EXOC2: variants seen among roughly 807,000 people sequenced by gnomAD.
EXOC2 encodes the protein SEC5-like 1.
In EXOC2, 70 loss-of-function variants were observed where a neutral mutation model predicts 131.8. The ratio of observed to expected loss-of-function variants is 0.53; its 90% CI spans 0.44 to 0.65. The LOEUF (loss-of-function observed/expected upper bound fraction) is 0.65, where lower values mean the gene tolerates loss of function less well. Ranked by LOEUF, EXOC2 falls within the 30% of genes least tolerant of loss-of-function variation. EXOC2 has a pLI of 0.00. For synonymous variants in EXOC2, 411 were observed against 398.4 expected (o/e 1.03, Z -0.38); for missense variants, 923 against 1,108.6 (o/e 0.83, Z 2.38).
intron 11 of EXOC2, among the ~76,000 whole-genome samples, chr6:583,542 G>A (rs1418645903): frequency 2.0e-5 from 3 of 152,158 alleles, no homozygotes; most frequent in Non-Finnish European, 4.4e-5. Context: ...TTCAACAGCT[G>A]TTACTTTACT....
At chr6:642,616 A>G (rs1762405698) in intron 1 of EXOC2, among the ~76,000 whole-genome samples, 1 of 152,250 alleles carries the variant, frequency 6.6e-6, no homozygotes, top group African/African-American at 2.4e-5. Flanking sequence ...GTCTATAACA[A>G]ATGTTATTAA....
intron 23 of EXOC2, among the ~76,000 whole-genome samples, chr6:508,229 C>T (rs534493742): frequency 1.3e-5 from 2 of 152,266 alleles, no homozygotes; most frequent in South Asian, 4.1e-4. Flanking sequence ...CACATACACA[C>T]GGCCGCCCCA....
At chr6:517,659 T>C (rs1239877264) in intron 23 of EXOC2, among the ~76,000 whole-genome samples, 1 of 152,220 alleles carries the variant, frequency 6.6e-6, no homozygotes, top group East Asian at 1.9e-4. Flanking sequence ...TGGTGAACTT[T>C]TAAAGGGTAT....
intron 7 of EXOC2, among the ~76,000 whole-genome samples, chr6:609,517 A>C (rs1018652704): frequency 1.3e-5 from 2 of 152,204 alleles, no homozygotes; most frequent in Non-Finnish European, 2.9e-5. Context: ...AGGACATCAG[A>C]AAAAGGACAG....
chr6:677,346 G>C (rs1265807804), intron 1 of EXOC2, among the ~76,000 whole-genome samples: 1 of 152,236 alleles, frequency 6.6e-6, no homozygotes, highest in Non-Finnish European at 1.5e-5. Context: ...TTTGTGTTTA[G>C]TGCACAGTTA....
rs1176848191 is a variant in EXOC2 at position 495,351 on chromosome 6, C to T, written c.2559+2016G>A. Among the ~76,000 whole-genome samples, 3 of 151,424 alleles carry T rather than the reference C, an allele frequency of 2.0e-5. No individual in the cohort carries two copies. The East Asian group carries it at 5.8e-4, about 29-fold the overall frequency. On this transcript the variant is annotated intron_variant, in intron 25 of 27. Transcript: ENST00000230449. ...GTGTTAGCCAGGATGGTCTCGATCT[C>T]CTGACCTCGTGATCCGCCCGCCTCG...
intron 1 of EXOC2, among the ~76,000 whole-genome samples, chr6:663,614 G>T (rs756207978): frequency 6.6e-6 from 1 of 152,190 alleles, no homozygotes; most frequent in Admixed American, 6.5e-5. Context: ...TCATACCAGG[G>T]ATGCAGGGGT....
At chr6:570,328 T>C (rs1758208169) in intron 13 of EXOC2, among the ~76,000 whole-genome samples, 1 of 152,090 alleles carries the variant, frequency 6.6e-6, no homozygotes, top group Non-Finnish European at 1.5e-5. Flanking sequence ...AGAGATGGGG[T>C]TTCACCGTGT....
intron 27 of EXOC2, among the ~76,000 whole-genome samples, chr6:487,647 C>T (rs1054485837): frequency 7.9e-5 from 12 of 152,034 alleles, no homozygotes; most frequent in African/African-American, 2.2e-4. Context: ...AGTCGTGATC[C>T]GCCCACCTCA....
At chr6:592,382 A>G (rs1371342398) in intron 11 of EXOC2, 87 bp downstream of exon 11, 2 of 1,123,224 alleles carry the variant, frequency 1.8e-6, no homozygotes, top group East Asian at 2.4e-5. Context: ...TAAATTAGGT[A>G]GTCAGTGCCT....
Position 594,728 on chromosome 6 carries a change from A to C in EXOC2, c.1074-2141T>G, listed in dbSNP as rs76518595. 2.7e-4 allele frequency among the ~76,000 whole-genome samples: 41 copies of C among 152,348 alleles called. No homozygotes were observed. In the East Asian group the frequency reaches 6.2e-3, roughly 23 times the overall value. On this transcript the variant is annotated intron_variant, in intron 10 of 27. Coordinates refer to ENST00000230449, the MANE Select transcript of EXOC2 (RefSeq NM_018303.6). ...GTATTAAAGTAAAGGAGTTTATAAA[A>C]GTTTTACAAAGCAAGATAAAGTTGT...
chr6:539,289 C>G (rs1766659763), intron 22 of EXOC2, among the ~76,000 whole-genome samples: 1 of 152,184 alleles, frequency 6.6e-6, no homozygotes, highest in African/African-American at 2.4e-5. Flanking sequence ...AAGGCGTATG[C>G]TGGAGGCAGA....
At position 498,015 on chromosome 6, in the gene EXOC2, A is replaced by C. The variant is rs564907590; in HGVS notation, c.2437-526T>G. 7.2e-5 allele frequency among the ~76,000 whole-genome samples: 11 copies of C among 152,300 alleles called. No individual in the cohort carries two copies. The East Asian group carries it at 2.1e-3, about 29-fold the overall frequency. On this transcript the variant is annotated intron_variant, in intron 24 of 27. Coordinates refer to ENST00000230449, the MANE Select transcript of EXOC2 (RefSeq NM_018303.6). ...TTTATTTGACTTACATTATTTTCAA[A>C]CCTTAAAGTTTGAGACTTTCAAACT...
chr6:491,009 C>T, intron 26 of EXOC2, 116 bp downstream of exon 26: 2 of 1,063,158 alleles, frequency 1.9e-6, no homozygotes, highest in Non-Finnish European at 2.9e-6. Flanking sequence ...AACTTTATCA[C>T]ATCACAAATT....
chr6:656,474 G>A (rs1378849624), intron 1 of EXOC2: 21 of 1,611,466 alleles, frequency 1.3e-5, no homozygotes, highest in Middle Eastern at 1.7e-4. Flanking sequence ...GCGGCAGGCG[G>A]ATGCTCGCGT....
chr6:512,052 C>A (rs1261522508), intron 23 of EXOC2, among the ~76,000 whole-genome samples: 1 of 152,250 alleles, frequency 6.6e-6, no homozygotes, highest in African/African-American at 2.4e-5. Context: ...TGGTGTTTGT[C>A]AGAAGGGCAA....
At chr6:663,792 G>A (rs1427206234) in intron 1 of EXOC2, among the ~76,000 whole-genome samples, 2 of 152,102 alleles carry the variant, frequency 1.3e-5, no homozygotes, top group Non-Finnish European at 1.5e-5. Flanking sequence ...ATACCTTAAT[G>A]TAATAAAAGC....
At chr6:635,134 T>G (rs558257296) in intron 2 of EXOC2, among the ~76,000 whole-genome samples, 95 of 152,306 alleles carry the variant, frequency 6.2e-4, no homozygotes, top group African/African-American at 2.3e-3. Context: ...AACCCAACAA[T>G]TAACGTCAGG....
At chr6:595,681 C>T (rs1759774066) in intron 10 of EXOC2, among the ~76,000 whole-genome samples, 1 of 152,018 alleles carries the variant, frequency 6.6e-6, no homozygotes, top group Admixed American at 6.5e-5. Context: ...AGATTTAACA[C>T]ACTACTATAG....
Sources: allele counts gnomAD v4.1 joint callset (sites outside exome capture counted in the v4.1 genomes callset), GRCh38; gene constraint gnomAD v4.1.1; transcripts MANE v1.5; gene names NCBI Gene and HGNC (gene_info 2026-07-23, HGNC 2026-07-21).